KCNJ3: variants seen among roughly 807,000 people sequenced by gnomAD.
KCNJ3 encodes G protein-activated inward rectifier potassium channel 1.
KCNJ3 carries 4 observed loss-of-function variants against 39.2 expected under a neutral mutation model. The ratio of observed to expected loss-of-function variants is 0.10; its 90% CI spans 0.05 to 0.23. The LOEUF is 0.23. Among genes scored for constraint, KCNJ3 ranks in the 10% least tolerant of loss-of-function variants. KCNJ3 has a pLI of 1.00. For missense variants in KCNJ3, 276 were observed against 634.9 expected (o/e 0.43, Z 6.08); for synonymous variants, 230 against 237.4 (o/e 0.97, Z 0.29).
In KCNJ3 at chr2:154,818,918, CTTTTTTTTTTTTTTTT is replaced by C. The variant is rs57668487; in HGVS notation, c.920-35792_920-35777del. On this transcript the variant is annotated intron_variant, in intron 2 of 2. Transcript: ENST00000295101. ...GAGCTTGAGCTGTAGCTGCAAAAGC[CTTTTTTTTTTTTTTTT>C]TTTTTTTTTTTTTTTTAATCATCTT... 6.1e-4 allele frequency among the ~76,000 whole-genome samples: 32 copies of C among 52,444 alleles called. 1 individual carries two copies. In the East Asian group the frequency reaches 0.023, roughly 37 times the overall value. 34.4% of individuals were successfully genotyped at this position (52,444 alleles called of 152,430 possible).
At chr2:154,738,272 C>T (rs990880057) in intron 2 of KCNJ3, among the ~76,000 whole-genome samples, 2 of 151,902 alleles carry the variant, frequency 1.3e-5, no homozygotes, top group African/African-American at 4.8e-5. Context: ...TCACCAGAGG[C>T]TGGGAAGGGA....
At chr2:154,717,574 G>C (rs1051619619) in intron 2 of KCNJ3, among the ~76,000 whole-genome samples, 1 of 152,106 alleles carries the variant, frequency 6.6e-6, no homozygotes. Context: ...GGGAAAAATG[G>C]CCCAGGATTC....
chr2:154,750,406 A>G (rs1685818120), intron 2 of KCNJ3, among the ~76,000 whole-genome samples: 1 of 152,004 alleles, frequency 6.6e-6, no homozygotes, highest in Non-Finnish European at 1.5e-5. Flanking sequence ...TATATAAATT[A>G]TGGAACTTTT....
intron 2 of KCNJ3, among the ~76,000 whole-genome samples, chr2:154,795,358 G>A (rs1033906641): frequency 2.0e-5 from 3 of 151,336 alleles, no homozygotes; most frequent in African/African-American, 7.3e-5. Flanking sequence ...TGTTGATTTC[G>A]CTATCAAGAA....
Position 154,856,467 on chromosome 2 carries a change from C to G in KCNJ3, c.*1154C>G, listed in dbSNP as rs2105144397. ...ATATTTATGCTTAAAATATGTATGT[C>G]TAATTGAGTCTCTTTTTTATTCTGT... On this transcript the variant is annotated 3_prime_UTR_variant, in exon 3 of 3. Transcript: ENST00000295101. The G allele has an allele frequency of 6.6e-6, 1 of 152,430 alleles. No homozygotes were observed. Among genetic ancestry groups the G allele is most frequent in the Non-Finnish European group, 1.5e-5 (1 of 67,984 alleles). The allele number at this position is 152,430 out of a possible 1,614,324, so 9.4% of individuals were successfully genotyped here. A position where few individuals can be genotyped will look rare whatever the true frequency, so the allele number is the denominator to read the frequency against.
At chr2:154,737,897 A>T (rs1276698630) in intron 2 of KCNJ3, among the ~76,000 whole-genome samples, 1 of 152,198 alleles carries the variant, frequency 6.6e-6, no homozygotes. Flanking sequence ...AACTCCATGT[A>T]CATATGTATT....
chr2:154,716,116 A>T (rs1359486697), intron 2 of KCNJ3, among the ~76,000 whole-genome samples: 2 of 151,340 alleles, frequency 1.3e-5, no homozygotes, highest in South Asian at 2.1e-4. Context: ...TATTATTTTG[A>T]GATGGAGTCT....
At chr2:154,810,009 A>T (rs1686981091) in intron 2 of KCNJ3, among the ~76,000 whole-genome samples, 1 of 152,098 alleles carries the variant, frequency 6.6e-6, no homozygotes, top group Admixed American at 6.6e-5. Context: ...CATATATGGA[A>T]CAATTATATG....
intron 2 of KCNJ3, among the ~76,000 whole-genome samples, chr2:154,834,760 T>TAA (rs1687421770): frequency 1.3e-5 from 2 of 151,928 alleles, no homozygotes; most frequent in South Asian, 4.1e-4. Context: ...AAAAATAGAA[T>TAA]AAGTCATTTA....
chr2:154,809,951 G>A (rs571366998), intron 2 of KCNJ3, among the ~76,000 whole-genome samples: 160 of 151,902 alleles, frequency 1.1e-3, no homozygotes, highest in African/African-American at 3.6e-3. Flanking sequence ...ATACATGCAT[G>A]CACAGATTTA....
chr2:154,747,979 G>A (rs2105179486), intron 2 of KCNJ3, among the ~76,000 whole-genome samples: 1 of 151,942 alleles, frequency 6.6e-6, no homozygotes, highest in East Asian at 1.9e-4. Context: ...AAGTTTTCTG[G>A]ATAAAGTATG....
rs1687822220 is a variant in KCNJ3, at chr2:154,855,545, A to G, written c.*232A>G. The G allele has an allele frequency of 5.3e-6, 2 of 379,992 alleles. No individual in the cohort carries two copies. Among genetic ancestry groups the G allele is most frequent in the South Asian group, 1.5e-4 (2 of 13,634 alleles). 23.5% of individuals were successfully genotyped at this position (379,992 alleles called of 1,614,324 possible). ...GCATGTATTATCACATCAAGCATGC[A>G]ATAATGTGCAAATTTTGCATTTAGT... On this transcript the variant is annotated 3_prime_UTR_variant, in exon 3 of 3. Coordinates refer to ENST00000295101, the MANE Select transcript of KCNJ3 (RefSeq NM_002239.4).
intron 2 of KCNJ3, among the ~76,000 whole-genome samples, chr2:154,823,192 T>C (rs2105111891): frequency 6.6e-6 from 1 of 152,158 alleles, no homozygotes; most frequent in East Asian, 1.9e-4. Flanking sequence ...ATATGCAACA[T>C]TGAGTTAACT....
intron 1 of KCNJ3, among the ~76,000 whole-genome samples, chr2:154,704,815 A>G (rs1226859252): frequency 2.0e-5 from 3 of 151,522 alleles, no homozygotes; most frequent in African/African-American, 7.3e-5. Context: ...TCCAGATATT[A>G]CCCTGACCTC....
At chr2:154,764,854 C>A (rs1686105084) in intron 2 of KCNJ3, among the ~76,000 whole-genome samples, 2 of 152,106 alleles carry the variant, frequency 1.3e-5, no homozygotes, top group African/African-American at 4.8e-5. Context: ...CTAGCCCTCT[C>A]TTGGATCCTT....
At chr2:154,773,696 G>T (rs185759334) in intron 2 of KCNJ3, among the ~76,000 whole-genome samples, 4 of 151,922 alleles carry the variant, frequency 2.6e-5, no homozygotes, top group African/African-American at 9.7e-5. Flanking sequence ...TCTTTTTTAG[G>T]TTGCACATTT....
chr2:154,833,746 CAT>C (rs1687402591), intron 2 of KCNJ3, among the ~76,000 whole-genome samples: 4 of 152,128 alleles, frequency 2.6e-5, no homozygotes, highest in Admixed American at 1.3e-4. Flanking sequence ...CTACTCTTTC[CAT>C]AGTTACATTT....
Position 154,745,925 on chromosome 2 carries a change from A to AG in KCNJ3, c.919+36110dup, listed in dbSNP as rs531605283. ...TATCCTAGCTTTCTTACTGCTAGGC[A>AG]GGGGTTGAGTACTGGCCTCCTGCTA... On this transcript the variant is annotated intron_variant, in intron 2 of 2. Coordinates refer to ENST00000295101, the MANE Select transcript of KCNJ3 (RefSeq NM_002239.4). 1.8e-4 allele frequency among the ~76,000 whole-genome samples: 27 copies of AG among 152,052 alleles called. No individual in the cohort carries two copies. In the East Asian group the frequency reaches 2.1e-3, roughly 12 times the overall value.
rs114407828 is a variant in KCNJ3, at chr2:154,799,889, G to A, written c.920-54838G>A. Among the ~76,000 whole-genome samples the A allele has an allele frequency of 3.2e-3, 491 of 152,206 alleles. 4 individuals are homozygous for A. The highest frequency in any genetic ancestry group is 0.011 in the African/African-American group (442 of 41,532). On this transcript the variant is annotated intron_variant, in intron 2 of 2. Transcript: ENST00000295101. ...GAAGCTTACATTCTAGTCATAATTC[G>A]TAAGAAATTATGTAGTACGTTAGCA...
Sources: allele counts gnomAD v4.1 joint callset (sites outside exome capture counted in the v4.1 genomes callset), GRCh38; gene constraint gnomAD v4.1.1; transcripts MANE v1.5; gene names NCBI Gene and HGNC (gene_info 2026-07-23, HGNC 2026-07-21).